The following AHNAK2 variants were observed in gnomAD, a reference collection of about 807,000 sequenced individuals.
AHNAK2 encodes AHNAK nucleoprotein 2, also known as protein AHNAK2.
Under a neutral mutation model 30.7 loss-of-function variants are expected in AHNAK2, and 18 were observed. The ratio of observed to expected loss-of-function variants is 0.59; its 90% CI spans 0.41 to 0.87. AHNAK2 has a LOEUF of 0.87. Among genes scored for constraint, AHNAK2 ranks in the 40% least tolerant of loss-of-function variants. The probability of loss-of-function intolerance (pLI) is 0.00; values close to 1 mark genes in which losing one functional copy is unlikely to be tolerated. For synonymous variants in AHNAK2, 3,590 were observed against 3,073.8 expected (o/e 1.17, Z -5.56); for missense variants, 8,604 against 7,373.0 (o/e 1.17, Z -6.11).
Position 104,950,234 on chromosome 14 carries a change from C to A in AHNAK2, c.5217G>T (p.Gly1739=). The change falls in exon 7 of 7, where the codon GGG becomes GGT. Residue 1739 remains glycine (G), a synonymous_variant. Coordinates refer to ENST00000333244, the MANE Select transcript of AHNAK2 (RefSeq NM_138420.4). Reference sequence around the variant, plus strand: ...TGGGCATCTGCACCTTGGGGAGGTGCCCTTTGAAGCCGGCTCCCTCGGGAA... The same window carrying A: ...TGGGCATCTGCACCTTGGGGAGGTGACCTTTGAAGCCGGCTCCCTCGGGAA... ...GPLPEGAGFK[G]HLPKVQMPSL... 6.3e-7 allele frequency: 1 copy of A among 1,585,596 alleles called. No homozygotes were observed. The highest frequency in any genetic ancestry group is 8.6e-7 in the Non-Finnish European group (1 of 1,162,812).
rs201940273 is a variant in AHNAK2 at position 104,942,499 on chromosome 14, C to G, written c.12952G>C (p.Glu4318Gln). ...AGCGCAGACACATCCAACGAGGCCT[C>G]GATGGACTTGCCTGGGGCAGACACC... ...FGVSAPGKSI[E>Q]ASLDVSALKV... is the part of the protein sequence containing the mutation. The change falls in exon 7 of 7, where the codon GAG becomes CAG. Residue 4318 changes from glutamate (E) to glutamine (Q), a missense_variant. Transcript: ENST00000333244. 9 of 1,612,896 alleles carry G rather than the reference C, an allele frequency of 5.6e-6. No homozygotes were observed. In the African/African-American group the frequency reaches 1.2e-4, roughly 22 times the overall value.
chr14:104,938,256 G>T lies in AHNAK2; in HGVS notation c.17195C>A (p.Thr5732Lys). 6.2e-7 allele frequency: 1 copy of T among 1,613,838 alleles called. No homozygotes were observed. The stretch of plus-strand genomic sequence containing the variant: ...GAAACTTTCTCGGGCATCAAAAAAC[G>T]TGATTGTTTCTTCTTGAAGTTTTTG... ...EEQKLQEETI[T>K]FFDARESFSP... The change falls in exon 7 of 7, where the codon ACG becomes AAG. Residue 5732 changes from threonine (T) to lysine (K), a missense_variant. Coordinates refer to ENST00000333244, the MANE Select transcript of AHNAK2 (RefSeq NM_138420.4).
rs1898170824 is a variant in AHNAK2 at position 104,944,825 on chromosome 14, CAGG to C, written c.10623_10625del (p.Leu3542del). On this transcript the variant is annotated inframe_deletion, in exon 7 of 7. Transcript: ENST00000333244. ...CGGCTCCCTCGGGCACGGGGCCCTC[CAGG>C]AGTTCCACATCCACTTGGACAGCCT... 6.2e-7 allele frequency: 1 copy of C among 1,612,602 alleles called. No homozygotes were observed. The highest frequency in any genetic ancestry group is 8.5e-7 in the Non-Finnish European group (1 of 1,179,522).
In AHNAK2 at chr14:104,947,167, C is replaced by T. The variant is rs753632778; in HGVS notation, c.8284G>A (p.Gly2762Ser). 25 of 1,612,158 alleles carry T rather than the reference C, an allele frequency of 1.6e-5. No individual in the cohort carries two copies. In the South Asian group the frequency reaches 2.7e-4, roughly 18 times the overall value. ...DVKGPNVDLK[G>S]PKAEVTAPDV... ...GGGGCTGTCACTTCCGCCTTGGGGC[C>T]TTTCAGGTCCACGTTGGGGCCCTTA... The change falls in exon 7 of 7, where the codon GGC (glycine) becomes AGC (serine). Residue 2762 changes from glycine to serine, a missense_variant. Gly to Ser is a moderately conservative substitution (Grantham distance 56, BLOSUM62 0). Coordinates refer to ENST00000333244, the MANE Select transcript of AHNAK2 (RefSeq NM_138420.4).
chr14:104,963,850 A>AAAAAG (rs1566924694), intron 1 of AHNAK2, among the ~76,000 whole-genome samples: 4 of 151,576 alleles, frequency 2.6e-5, no homozygotes, highest in African/African-American at 7.3e-5. Flanking sequence ...AGAAAAAAAA[A>AAAAAG]AGAGAGAGAG....
rs755935736 is a variant in AHNAK2 at position 104,950,658 on chromosome 14, A to C, written c.4793T>G (p.Val1598Gly). ...TTTCAGGTCCAGCTTGGGGCCCTTA[A>C]CATCTATCTGGGGCCCCTTGAGGTC... ...KVDLKGPQID[V>G]KGPKLDLKGP... is the part of the protein sequence containing the mutation. The change falls in exon 7 of 7, where the codon GTT becomes GGT. Residue 1598 changes from valine to glycine, a missense_variant. Transcript: ENST00000333244. The C allele has an allele frequency of 4.4e-6, 7 of 1,586,156 alleles. 1 individual carries two copies. Among genetic ancestry groups the C allele is most frequent in the Non-Finnish European group, 6.0e-6 (7 of 1,162,412 alleles).
rs748399716 is a variant in AHNAK2, at chr14:104,941,220, A to G, written c.14231T>C (p.Phe4744Ser). 23 of 1,613,548 alleles carry G rather than the reference A, an allele frequency of 1.4e-5. No individual in the cohort carries two copies. The highest frequency in any genetic ancestry group is 1.9e-5 in the Non-Finnish European group (23 of 1,179,906). Reference protein sequence around the residue: ...IPLSSSECSSFELQQVSACSE... With the variant: ...IPLSSSECSSSELQQVSACSE... Reference sequence around the variant, plus strand: ...ACAAGCCGAAACCTGTTGTAATTCAAAACTTGAGCATTCTGAAGATGATAA... The same window carrying G: ...ACAAGCCGAAACCTGTTGTAATTCAGAACTTGAGCATTCTGAAGATGATAA... Residue 4744 changes from phenylalanine (F) to serine (S), a missense_variant, in exon 7 of 7, where the codon TTT becomes TCT. Physicochemically the swap from Phe to Ser is radical, Grantham distance 155 (BLOSUM62 -2). Coordinates refer to ENST00000333244, the MANE Select transcript of AHNAK2 (RefSeq NM_138420.4).
rs541602293 is a variant in AHNAK2 at position 104,950,993 on chromosome 14, C to T, written c.4458G>A (p.Leu1486=). Residue 1486 remains leucine, a synonymous_variant, in exon 7 of 7, where the codon TTG becomes TTA. Coordinates refer to ENST00000333244, the MANE Select transcript of AHNAK2 (RefSeq NM_138420.4). ...EEDMSLADKD[L]TTKDSKFKMP... Reference sequence around the variant, plus strand: ...TTTTGAACTTGCTGTCTTTGGTAGTCAAGTCCTTGTCGGCCAGGGACATGT... The same window carrying T: ...TTTTGAACTTGCTGTCTTTGGTAGTTAAGTCCTTGTCGGCCAGGGACATGT... 7 of 1,065,304 alleles carry T rather than the reference C, an allele frequency of 6.6e-6. No individual in the cohort carries two copies. In the East Asian group the frequency reaches 1.4e-4, roughly 21 times the overall value. The allele number at this position is 1,065,304 out of a possible 1,614,324, so 66.0% of individuals were successfully genotyped here.
chr14:104,960,218 G>A (rs1326786279), intron 1 of AHNAK2, among the ~76,000 whole-genome samples: 1 of 152,114 alleles, frequency 6.6e-6, no homozygotes, highest in East Asian at 1.9e-4. Context: ...TAGCAAAAAG[G>A]AGTAGGAGGA....
At chr14:104,965,401 C>CAAAAAAAAAAAAAAA (rs397853385) in intron 1 of AHNAK2, among the ~76,000 whole-genome samples, 18 of 85,446 alleles carry the variant, frequency 2.1e-4, no homozygotes, top group Non-Finnish European at 3.5e-4. Flanking sequence ...AACTCTGTCT[C>CAAAAAAAAAAAAAAA]AAAAAAAAAA....
In AHNAK2 at chr14:104,947,339, T is replaced by A. The variant is rs564647751; in HGVS notation, c.8112A>T (p.Gln2704His). Residue 2704 changes from glutamine to histidine, a missense_variant, in exon 7 of 7, where the codon CAA becomes CAT. By Grantham distance (24) the Gln-to-His change is conservative (BLOSUM62 0). Transcript: ENST00000333244. ...CCACCTGGCCAGCCTGGACCTCCAGTTGGGCAGAGGGGGGCTGAATGCTGA... is the reference window on the plus strand; with the variant it reads ...CCACCTGGCCAGCCTGGACCTCCAGATGGGCAGAGGGGGGCTGAATGCTGA... The part of the protein sequence containing the change: ...TDISIQPPSA[Q>H]LEVQAGQVDV... The A allele has an allele frequency of 6.2e-7, 1 of 1,610,184 alleles. No individual in the cohort carries two copies. The highest frequency in any genetic ancestry group is 8.5e-7 in the Non-Finnish European group (1 of 1,178,856).
At chr14:104,964,129 G>T (rs1014862754) in intron 1 of AHNAK2, among the ~76,000 whole-genome samples, 2 of 152,124 alleles carry the variant, frequency 1.3e-5, no homozygotes, top group African/African-American at 4.8e-5. Context: ...AATGCACAAA[G>T]AATTCTTGCA....
chr14:104,968,725 A>G (rs1281841621), intron 1 of AHNAK2, among the ~76,000 whole-genome samples: 1 of 152,202 alleles, frequency 6.6e-6, no homozygotes, highest in Non-Finnish European at 1.5e-5. Context: ...AGTGGCCGGA[A>G]AAGTCCATCC....
At position 104,944,652 on chromosome 14, in the gene AHNAK2, G is replaced by C. The variant is rs748172802; in HGVS notation, c.10799C>G (p.Ser3600Cys). ...AEVRVPDVEV[S>C]LPSVEVDVQA... The stretch of plus-strand genomic sequence containing the variant: ...GACATCCACCTCCACGCTGGGCAGA[G>C]ACACCTCGACATCGGGGACTCTCAC... Residue 3600 changes from serine (S) to cysteine (C), a missense_variant, in exon 7 of 7, where the codon TCT (serine) becomes TGT (cysteine). Ser to Cys is a moderately radical substitution (Grantham distance 112, BLOSUM62 -1). Transcript: ENST00000333244. The C allele has an allele frequency of 1.9e-6, 3 of 1,613,232 alleles. No individual in the cohort carries two copies. The East Asian group carries it at 6.7e-5, about 36-fold the overall frequency.
At position 104,960,790 on chromosome 14, in the gene AHNAK2, T is replaced by C. The variant is rs1899112512; in HGVS notation, c.56-3118A>G. 2.0e-5 allele frequency among the ~76,000 whole-genome samples: 3 copies of C among 152,190 alleles called. No homozygotes were observed. The South Asian group carries it at 6.2e-4, about 31-fold the overall frequency. On this transcript the variant is annotated intron_variant, in intron 1 of 6. Transcript: ENST00000333244. ...TACAATGGGTGAGTTCTATGGTTTA[T>C]AAACTGTACCTCAATGAAACTGTAA...
At chr14:104,968,973 C>T (rs1899395474) in intron 1 of AHNAK2, among the ~76,000 whole-genome samples, 1 of 152,198 alleles carries the variant, frequency 6.6e-6, no homozygotes, top group Admixed American at 6.5e-5. Flanking sequence ...GCACACACAG[C>T]CGGCCGCACT....
In AHNAK2 at chr14:104,945,355, C is replaced by G. The variant is rs1467273759; in HGVS notation, c.10096G>C (p.Glu3366Gln). ...LSIQLPSVDLEVQAGQVDVKL... is the reference protein window; with the variant it reads ...LSIQLPSVDLQVQAGQVDVKL... ...ACGTCCACCTGGCCAGCCTGGACCTCCAGGTCCACAGAAGGGAGCTGAATG... is the reference window on the plus strand; with the variant it reads ...ACGTCCACCTGGCCAGCCTGGACCTGCAGGTCCACAGAAGGGAGCTGAATG... The change falls in exon 7 of 7, where the codon GAG becomes CAG. Residue 3366 changes from glutamate to glutamine, a missense_variant. Coordinates refer to ENST00000333244, the MANE Select transcript of AHNAK2 (RefSeq NM_138420.4). The G allele has an allele frequency of 6.2e-7, 1 of 1,612,514 alleles. No individual in the cohort carries two copies. The highest frequency in any genetic ancestry group is 1.3e-5 in the African/African-American group (1 of 74,466).
chr14:104,973,067 C>T (rs553130294), intron 1 of AHNAK2, among the ~76,000 whole-genome samples: 60 of 152,354 alleles, frequency 3.9e-4, no homozygotes, highest in African/African-American at 1.4e-3. Flanking sequence ...CCTCAGTTCC[C>T]GGGGGCCCCA....
Position 104,943,390 on chromosome 14 carries a change from G to A in AHNAK2, c.12061C>T (p.Pro4021Ser), listed in dbSNP as rs199857070. ...LKATDLSVQP[P>S]SADLEVQAGQ... ...GCCTGGACCTCCAGGTCAGCGGAAG[G>A]GGGCTGAACGCTGAGGTCAGTGGCC... The change falls in exon 7 of 7, where the codon CCT becomes TCT. Residue 4021 changes from proline (P) to serine (S), a missense_variant. Transcript: ENST00000333244. The A allele has an allele frequency of 2.5e-6, 4 of 1,613,152 alleles. No individual in the cohort carries two copies. Among genetic ancestry groups the A allele is most frequent in the East Asian group, 4.5e-5 (2 of 44,782 alleles).
Sources: gnomAD v4.1 joint callset for allele counts (sites outside exome capture counted in the v4.1 genomes callset) on GRCh38, gnomAD v4.1.1 for gene constraint, MANE v1.5 for transcripts, NCBI Gene and HGNC (gene_info 2026-07-23, HGNC 2026-07-21) for gene names.